FSTL4: variants seen among roughly 807,000 people sequenced by gnomAD.
FSTL4 encodes the protein follistatin-related protein 4.
FSTL4 carries 28 observed loss-of-function variants against 78.2 expected under a neutral mutation model. The ratio of observed to expected loss-of-function variants is 0.36; its 90% CI spans 0.27 to 0.49. The LOEUF (loss-of-function observed/expected upper bound fraction) is 0.49. Among genes scored for constraint, FSTL4 ranks in the 20% least tolerant of loss-of-function variants. The pLI is 0.98. For synonymous variants in FSTL4, 422 were observed against 440.5 expected (o/e 0.96, Z 0.53); for missense variants, 922 against 1,084.9 (o/e 0.85, Z 2.11).
intron 2 of FSTL4, among the ~76,000 whole-genome samples, chr5:133,571,576 A>G (rs936696592): frequency 6.6e-6 from 1 of 152,216 alleles, no homozygotes; most frequent in African/African-American, 2.4e-5. Flanking sequence ...ATCGAATAAA[A>G]GACTACACAT....
intron 6 of FSTL4, 76 bp downstream of exon 6, chr5:133,312,578 C>T: frequency 7.1e-7 from 1 of 1,401,896 alleles, no homozygotes; most frequent in South Asian, 1.2e-5. Flanking sequence ...TGAGGACAGA[C>T]TCCAGGCACC....
intron 4 of FSTL4, among the ~76,000 whole-genome samples, chr5:133,369,116 C>T (rs1755236394): frequency 6.6e-6 from 1 of 152,198 alleles, no homozygotes; most frequent in Non-Finnish European, 1.5e-5. Flanking sequence ...CTGGCAGGCA[C>T]ACCCACACAT....
At chr5:133,532,560 C>T (rs1759277730) in intron 3 of FSTL4, among the ~76,000 whole-genome samples, 3 of 152,180 alleles carry the variant, frequency 2.0e-5, no homozygotes, top group African/African-American at 7.2e-5. Context: ...GAAGACCCTG[C>T]TAGACAGAAC....
chr5:133,773,623 TC>T, the FSTL4 span, among the ~76,000 whole-genome samples: 1 of 152,220 alleles, frequency 6.6e-6, no homozygotes, highest in Admixed American at 6.5e-5. Context: ...TTCTTTCCTT[TC>T]CTCTTTCAGT....
At chr5:133,306,094 C>A (rs546015785) in intron 6 of FSTL4, among the ~76,000 whole-genome samples, 14 of 152,318 alleles carry the variant, frequency 9.2e-5, no homozygotes, top group African/African-American at 3.4e-4. Context: ...CCTGCCAGGG[C>A]CCAGCATGGA....
chr5:133,448,767 G>A (rs1757322474), intron 3 of FSTL4, among the ~76,000 whole-genome samples: 1 of 139,082 alleles, frequency 7.2e-6, no homozygotes, highest in African/African-American at 2.7e-5. Flanking sequence ...AGAATTTTCC[G>A]CCTTTTGCGC....
At chr5:133,613,657 G>A (rs1264267724), upstream of FSTL4, among the ~76,000 whole-genome samples, 2 of 152,216 alleles carry the variant, frequency 1.3e-5, no homozygotes, top group East Asian at 1.9e-4. Context: ...ATGGGCCAGC[G>A]CGGTCTTGGC....
chr5:133,794,147 A>G, the FSTL4 span, among the ~76,000 whole-genome samples: 1 of 152,272 alleles, frequency 6.6e-6, no homozygotes, highest in East Asian at 1.9e-4. Context: ...TTCTGGGCTG[A>G]TCTCTGACTT....
chr5:133,225,361 T>C lies in FSTL4; in HGVS notation c.1178-77A>G. On this transcript the variant is annotated intron_variant, in intron 9 of 15. Coordinates refer to ENST00000265342, the MANE Select transcript of FSTL4 (RefSeq NM_015082.2). This position sits in a 1 kb window ranked among gnomAD's most constrained non-coding sequence, Gnocchi z 4.6. ...CTTTCCTTTATGGGGCCATTGAGAGTGTTAGGGCTGCCCAGCCCCTGGGCA... is the reference window on the plus strand; with the variant it reads ...CTTTCCTTTATGGGGCCATTGAGAGCGTTAGGGCTGCCCAGCCCCTGGGCA... 5 of 1,567,298 alleles carry C rather than the reference T, an allele frequency of 3.2e-6. No homozygotes were observed. The African/African-American group carries it at 4.1e-5, about 13-fold the overall frequency.
At chr5:133,674,808 G>A in the FSTL4 span, among the ~76,000 whole-genome samples, 15,451 of 152,200 alleles carry the variant, frequency 0.1, 970 homozygotes, top group African/African-American at 0.16. Flanking sequence ...GCTCATAGGC[G>A]TTAGGGTAGG....
At chr5:133,571,138 T>C (rs1418369325) in intron 2 of FSTL4, among the ~76,000 whole-genome samples, 2 of 151,722 alleles carry the variant, frequency 1.3e-5, no homozygotes, top group Non-Finnish European at 1.5e-5. Context: ...AATCTAAGTA[T>C]AGATTTTGAA....
At chr5:133,269,556 C>T (rs1276633719) in intron 6 of FSTL4, among the ~76,000 whole-genome samples, 1 of 152,274 alleles carries the variant, frequency 6.6e-6, no homozygotes, top group Non-Finnish European at 1.5e-5. Flanking sequence ...TGGCCACATA[C>T]AGGCAGCTGG....
chr5:133,685,266 T>C, the FSTL4 span, among the ~76,000 whole-genome samples: 1 of 152,170 alleles, frequency 6.6e-6, no homozygotes, highest in Non-Finnish European at 1.5e-5. Flanking sequence ...AAATCTGTCT[T>C]TGAGATGACA....
chr5:133,747,960 G>A, the FSTL4 span, among the ~76,000 whole-genome samples: 1 of 152,166 alleles, frequency 6.6e-6, no homozygotes, highest in East Asian at 1.9e-4. Flanking sequence ...ACTGTGGGAG[G>A]CTGAGGCAGG....
At chr5:133,796,166 C>A in the FSTL4 span, among the ~76,000 whole-genome samples, 1 of 152,226 alleles carries the variant, frequency 6.6e-6, no homozygotes, top group East Asian at 1.9e-4. Flanking sequence ...GGGAGAGTTC[C>A]CTGAACCCCC....
intron 4 of FSTL4, among the ~76,000 whole-genome samples, chr5:133,379,962 C>T (rs1430465445): frequency 1.3e-5 from 2 of 152,072 alleles, no homozygotes; most frequent in African/African-American, 4.8e-5. Flanking sequence ...GTAGTCTCAG[C>T]TACTCGGGAG....
At chr5:133,752,210 A>C in the FSTL4 span, among the ~76,000 whole-genome samples, 2 of 152,226 alleles carry the variant, frequency 1.3e-5, no homozygotes, top group Middle Eastern at 3.2e-3. Context: ...TTTTGGGTAG[A>C]ATCTTAAAAA....
chr5:133,754,219 T>C, the FSTL4 span, among the ~76,000 whole-genome samples: 1 of 152,222 alleles, frequency 6.6e-6, no homozygotes, highest in Non-Finnish European at 1.5e-5. Context: ...CATTTTGTAA[T>C]AAGTTAGTGA....
chr5:133,290,552 C>T (rs991595768), intron 6 of FSTL4, among the ~76,000 whole-genome samples: 1 of 152,210 alleles, frequency 6.6e-6, no homozygotes. Flanking sequence ...TTGTACTTTC[C>T]ACTGGGTCTG....
Sources: gnomAD v4.1 joint callset for allele counts (sites outside exome capture counted in the v4.1 genomes callset) on GRCh38, gnomAD v4.1.1 for gene constraint, Gnocchi (gnomAD v3.1) non-coding constraint, MANE v1.5 for transcripts, NCBI Gene and HGNC (gene_info 2026-07-23, HGNC 2026-07-21) for gene names.